Variants in KIRREL3 observed in about 807,000 individuals in gnomAD.
The protein encoded by KIRREL3 is kirre like nephrin family adhesion molecule 3, also known as kin of IRRE-like protein 3.
Under a neutral mutation model 89.7 loss-of-function variants are expected in KIRREL3, and 36 were observed. The ratio of observed to expected loss-of-function variants is 0.40; its 90% CI spans 0.31 to 0.53. The LOEUF (loss-of-function observed/expected upper bound fraction) is 0.53. Among genes scored for constraint, KIRREL3 ranks in the 20% least tolerant of loss-of-function variants. KIRREL3 has a pLI of 0.49. For synonymous variants in KIRREL3, 445 were observed against 441.4 expected (o/e 1.01, Z -0.10); for missense variants, 864 against 1,056.6 (o/e 0.82, Z 2.53).
Position 126,484,166 on chromosome 11 carries a change from G to A in KIRREL3, c.434-10700C>T, listed in dbSNP as rs189764182. 1.2e-4 allele frequency among the ~76,000 whole-genome samples: 18 copies of A among 152,216 alleles called. No homozygotes were observed. Among genetic ancestry groups the A allele is most frequent in the African/African-American group, 4.3e-4 (18 of 41,528 alleles). ...CTTGCCTGATCCCACTGAATTAGAAGCCCCCTCCCCACCTGAGCACCTCTT... is the reference window on the plus strand; with the variant it reads ...CTTGCCTGATCCCACTGAATTAGAAACCCCCTCCCCACCTGAGCACCTCTT... On this transcript the variant is annotated intron_variant, in intron 4 of 16. Coordinates refer to ENST00000525144, the MANE Select transcript of KIRREL3 (RefSeq NM_032531.4). This position sits in a 1 kb window ranked among gnomAD's most constrained non-coding sequence, Gnocchi z 5.2.
chr11:126,445,350 C>T (rs1370978858), intron 9 of KIRREL3, among the ~76,000 whole-genome samples: 8 of 152,214 alleles, frequency 5.3e-5, no homozygotes, highest in South Asian at 2.1e-4. Flanking sequence ...ACATCCCAGG[C>T]GCAGCCCTGT....
intron 1 of KIRREL3, among the ~76,000 whole-genome samples, chr11:126,810,403 G>A (rs781569919): frequency 6.6e-6 from 1 of 152,082 alleles, no homozygotes; most frequent in Non-Finnish European, 1.5e-5. Flanking sequence ...AGACACACAA[G>A]GACTTGCTGG....
Position 126,496,739 on chromosome 11 carries a change from C to T in KIRREL3, c.434-23273G>A, listed in dbSNP as rs1344479179. Among the ~76,000 whole-genome samples, 4 of 151,892 alleles carry T rather than the reference C, an allele frequency of 2.6e-5. No individual in the cohort carries two copies. The highest frequency in any genetic ancestry group is 4.4e-5 in the Non-Finnish European group (3 of 68,010). ...GCGCTCAGAAATGTTGGAGGGCCTGCGTGCGAACTCAAGGCCTGAGGCTGT... is the reference window on the plus strand; with the variant it reads ...GCGCTCAGAAATGTTGGAGGGCCTGTGTGCGAACTCAAGGCCTGAGGCTGT... On this transcript the variant is annotated intron_variant, in intron 4 of 16. Transcript: ENST00000525144. The surrounding 1 kb of genome is among the most constrained non-coding windows in gnomAD (Gnocchi z 4.9).
chr11:126,894,136 G>A (rs1024947295), intron 1 of KIRREL3, among the ~76,000 whole-genome samples: 2 of 152,236 alleles, frequency 1.3e-5, no homozygotes, highest in Non-Finnish European at 2.9e-5. Flanking sequence ...GGGTTTGAGA[G>A]ACATTGTTGG....
rs900024545 is a variant in KIRREL3, at chr11:126,782,338, T to G, written c.55+218117A>C. On this transcript the variant is annotated intron_variant, in intron 1 of 16. Coordinates refer to ENST00000525144, the MANE Select transcript of KIRREL3 (RefSeq NM_032531.4). The surrounding 1 kb of genome is among the most constrained non-coding windows in gnomAD (Gnocchi z 4.1). ...AGATTTTTTGATGTTTATTTGTTCC[T>G]GCAGCTTTGCCTGGCTTATTCAGAC... is the stretch of plus-strand genomic sequence containing the variant. 6.6e-6 allele frequency among the ~76,000 whole-genome samples: 1 copy of G among 152,248 alleles called. No individual in the cohort carries two copies. Among genetic ancestry groups the G allele is most frequent in the Non-Finnish European group, 1.5e-5 (1 of 68,048 alleles).
intron 1 of KIRREL3, among the ~76,000 whole-genome samples, chr11:126,789,511 C>T (rs1592131363): frequency 6.6e-6 from 1 of 152,174 alleles, no homozygotes; most frequent in East Asian, 1.9e-4. Flanking sequence ...GTACACATTG[C>T]TTCCACTTCA....
intron 1 of KIRREL3, among the ~76,000 whole-genome samples, chr11:126,596,083 C>G (rs555922315): frequency 6.6e-6 from 1 of 152,316 alleles, no homozygotes; most frequent in Non-Finnish European, 1.5e-5. Flanking sequence ...GTTCTAGGCT[C>G]TGGTGAACCC....
intron 1 of KIRREL3, among the ~76,000 whole-genome samples, chr11:126,815,366 A>G (rs1397652313): frequency 6.6e-6 from 1 of 152,158 alleles, no homozygotes; most frequent in African/African-American, 2.4e-5. Flanking sequence ...CCACTGTGTG[A>G]CCTGAGGCAC....
At position 126,530,866 on chromosome 11, in the gene KIRREL3, T is replaced by C. The variant is rs1958922333; in HGVS notation, c.134-4179A>G. Among the ~76,000 whole-genome samples the C allele has an allele frequency of 6.6e-6, 1 of 152,152 alleles. No individual in the cohort carries two copies. The highest frequency in any genetic ancestry group is 2.1e-4 in the South Asian group (1 of 4,822). ...TTTTTTTTGAGACGGAGTCTGACTT[T>C]GTTGCCCAGGCTGGAGTGCAGTGGT... On this transcript the variant is annotated intron_variant, in intron 2 of 16. Coordinates refer to ENST00000525144, the MANE Select transcript of KIRREL3 (RefSeq NM_032531.4). The surrounding 1 kb of genome is among the most constrained non-coding windows in gnomAD (Gnocchi z 5.8).
At position 126,574,843 on chromosome 11, in the gene KIRREL3, C is replaced by A. The variant is rs931308425; in HGVS notation, c.56-11931G>T. ...TTGTTTATTGATGAGCTGCTTAATA[C>A]TTCTTGGAATAGGAATGAATAGTAC... On this transcript the variant is annotated intron_variant, in intron 1 of 16. Coordinates refer to ENST00000525144, the MANE Select transcript of KIRREL3 (RefSeq NM_032531.4). The surrounding 1 kb of genome is among the most constrained non-coding windows in gnomAD (Gnocchi z 5.3). Among the ~76,000 whole-genome samples the A allele has an allele frequency of 1.3e-5, 2 of 152,206 alleles. No homozygotes were observed. Among genetic ancestry groups the A allele is most frequent in the African/African-American group, 4.8e-5 (2 of 41,446 alleles).
intron 4 of KIRREL3, among the ~76,000 whole-genome samples, chr11:126,493,618 G>A (rs1383704639): frequency 7.9e-6 from 1 of 127,322 alleles, no homozygotes; most frequent in African/African-American, 3.1e-5. Flanking sequence ...TCGCGCCACC[G>A]CACTCCAGCC....
chr11:126,440,779 G>T, intron 10 of KIRREL3: 1 of 595,372 alleles, frequency 1.7e-6, no homozygotes, highest in South Asian at 2.0e-5. Flanking sequence ...AGAACCCCCA[G>T]AAGATACAAA....
At chr11:126,790,999 G>A (rs990348843) in intron 1 of KIRREL3, among the ~76,000 whole-genome samples, 1 of 152,146 alleles carries the variant, frequency 6.6e-6, no homozygotes, top group African/African-American at 2.4e-5. Context: ...CAAACTGGGT[G>A]GTGTGGAGGA....
intron 1 of KIRREL3, among the ~76,000 whole-genome samples, chr11:126,798,117 C>T (rs1022771322): frequency 6.6e-6 from 1 of 152,112 alleles, no homozygotes; most frequent in Admixed American, 6.5e-5. Context: ...TGTTCCTGTG[C>T]CTGGGGGCTC....
rs902692318 is a variant in KIRREL3, at chr11:126,535,880, G to A, written c.134-9193C>T. 2.0e-5 allele frequency among the ~76,000 whole-genome samples: 3 copies of A among 152,192 alleles called. No homozygotes were observed. The highest frequency in any genetic ancestry group is 7.2e-5 in the African/African-American group (3 of 41,440). On this transcript the variant is annotated intron_variant, in intron 2 of 16. Coordinates refer to ENST00000525144, the MANE Select transcript of KIRREL3 (RefSeq NM_032531.4). The surrounding 1 kb of genome is among the most constrained non-coding windows in gnomAD (Gnocchi z 4.5). ...CGTGCCTGTAATCCCAGCTACTCAGGAGGCTGAGCCAGGAGAATCCATAGA... is the reference window on the plus strand; with the variant it reads ...CGTGCCTGTAATCCCAGCTACTCAGAAGGCTGAGCCAGGAGAATCCATAGA...
chr11:126,741,301 A>C (rs1197544734), intron 1 of KIRREL3, among the ~76,000 whole-genome samples: 2 of 152,190 alleles, frequency 1.3e-5, no homozygotes, highest in African/African-American at 4.8e-5. Flanking sequence ...ATATGCATAT[A>C]ATTTTAATGA....
Position 126,491,877 on chromosome 11 carries a change from T to C in KIRREL3, c.434-18411A>G, listed in dbSNP as rs1450988280. ...CCACCATGCCTGGCTAATTTTTGTA[T>C]TTTTAGTAGAGATGGGGTTTCACCA... On this transcript the variant is annotated intron_variant, in intron 4 of 16. Transcript: ENST00000525144. This position sits in a 1 kb window ranked among gnomAD's most constrained non-coding sequence, Gnocchi z 5.5. Among the ~76,000 whole-genome samples, 1 of 151,926 alleles carries C rather than the reference T, an allele frequency of 6.6e-6. No homozygotes were observed. The highest frequency in any genetic ancestry group is 6.6e-5 in the Admixed American group (1 of 15,256).
At chr11:126,510,728 T>C (rs1172951736) in intron 4 of KIRREL3, among the ~76,000 whole-genome samples, 1 of 152,230 alleles carries the variant, frequency 6.6e-6, no homozygotes. Flanking sequence ...AAAAATTGTG[T>C]ACACAGTATC....
chr11:126,424,268 GC>G lies in KIRREL3; in HGVS notation c.*311del. ...AAGCAGAGTTATAGCTGCCACTTGT[GC>G]CTGTGGGCAGAGCAGGTGGTAGAGG... On this transcript the variant is annotated 3_prime_UTR_variant, in exon 17 of 17. Transcript: ENST00000525144. 4.5e-6 allele frequency: 2 copies of G among 444,090 alleles called. No homozygotes were observed. Among genetic ancestry groups the G allele is most frequent in the South Asian group, 5.7e-5 (2 of 35,150 alleles). The allele number at this position is 444,090 out of a possible 1,614,324, so 27.5% of individuals were successfully genotyped here. A position where few individuals can be genotyped will look rare whatever the true frequency, so the allele number is the denominator to read the frequency against.
Sources: allele counts gnomAD v4.1 joint callset (sites outside exome capture counted in the v4.1 genomes callset), GRCh38; gene constraint gnomAD v4.1.1; non-coding constraint Gnocchi (gnomAD v3.1); transcripts MANE v1.5; gene names NCBI Gene and HGNC (gene_info 2026-07-23, HGNC 2026-07-21).